The following ABCA13 variants were observed in gnomAD, a reference collection of about 807,000 sequenced individuals.
ABCA13 encodes ATP binding cassette subfamily A member 13, also known as ATP-binding cassette sub-family A member 13.
ABCA13 carries 476 observed loss-of-function variants against 478.7 expected under a neutral mutation model. The observed-to-expected ratio is 0.99, with a 90% confidence interval of 0.92 to 1.07. The LOEUF (loss-of-function observed/expected upper bound fraction) is 1.07, where lower values mean the gene tolerates loss of function less well. ABCA13 is among the 50% of genes least tolerant of loss of function. ABCA13 has a pLI of 0.00. For synonymous variants in ABCA13, 2,252 were observed against 2,158.9 expected (o/e 1.04, Z -1.20); for missense variants, 6,060 against 5,910.6 (o/e 1.03, Z -0.83).
chr7:48,253,305 T>C (rs1222539078), intron 15 of ABCA13, among the ~76,000 whole-genome samples: 1 of 152,132 alleles, frequency 6.6e-6, no homozygotes, highest in Non-Finnish European at 1.5e-5. Context: ...CAGAAACCAG[T>C]CACTTCGGCA....
In ABCA13 at chr7:48,520,128, T is replaced by C; in HGVS notation, c.13885T>C (p.Tyr4629His). ...TGGTCAAGGACTGGTAGAACTCTGCTATAATCAGATCAAATATGACCTGAC... is the reference window on the plus strand; with the variant it reads ...TGGTCAAGGACTGGTAGAACTCTGCCATAATCAGATCAAATATGACCTGAC... ...CLGQGLVELCYNQIKYDLTHN... is the reference protein window; with the variant it reads ...CLGQGLVELCHNQIKYDLTHN... Residue 4629 changes from tyrosine (Y) to histidine (H), a missense_variant, in exon 53 of 62, where the codon TAT (tyrosine) becomes CAT (histidine). Tyr to His is a moderately conservative substitution (Grantham distance 83, BLOSUM62 2). This residue lies in a region of ABCA13 where 1,627 missense variants were observed against 1,571.0 expected (regional missense o/e 1.04). Coordinates refer to ENST00000435803, the MANE Select transcript of ABCA13 (RefSeq NM_152701.5). 6.2e-7 allele frequency: 1 copy of C among 1,613,796 alleles called. No homozygotes were observed. Among genetic ancestry groups the C allele is most frequent in the Non-Finnish European group, 8.5e-7 (1 of 1,179,806 alleles).
chr7:48,606,259 G>A (rs1791453057), intron 58 of ABCA13, among the ~76,000 whole-genome samples: 2 of 152,174 alleles, frequency 1.3e-5, no homozygotes, highest in African/African-American at 4.8e-5. Context: ...TCCCTTGATG[G>A]CGAGGAGTTG....
At chr7:48,181,022 G>A (rs1166521017) in intron 1 of ABCA13, among the ~76,000 whole-genome samples, 1 of 152,118 alleles carries the variant, frequency 6.6e-6, no homozygotes, top group African/African-American at 2.4e-5. Context: ...TAAGCCCAAA[G>A]GGAACTCAAA....
chr7:48,287,966 C>T lies in ABCA13; in HGVS notation c.8843C>T (p.Pro2948Leu), dbSNP rs1797994852. The change falls in exon 20 of 62, where the codon CCT becomes CTT. Residue 2948 changes from proline to leucine, a missense_variant. By Grantham distance (98) the Pro-to-Leu change is moderately conservative. Transcript: ENST00000435803. ...VRVLTIVAEN[P>L]SWTKDILCAT... ...TGTGTGTTTCCTCTGGCAGAAAACCCTTCCTGGACCAAGGACATTTTGTGT... is the reference window on the plus strand; with the variant it reads ...TGTGTGTTTCCTCTGGCAGAAAACCTTTCCTGGACCAAGGACATTTTGTGT... 4.3e-6 allele frequency: 7 copies of T among 1,613,492 alleles called. No individual in the cohort carries two copies. The highest frequency in any genetic ancestry group is 3.3e-5 in the South Asian group (3 of 91,022).
At chr7:48,220,125 T>G (rs1024446910) in intron 4 of ABCA13, among the ~76,000 whole-genome samples, 2 of 152,292 alleles carry the variant, frequency 1.3e-5, no homozygotes, top group Admixed American at 1.3e-4. Context: ...TGGCTTCATC[T>G]TATTTATAAT....
rs1291336531 is a variant in ABCA13, at chr7:48,274,875, A to G, written c.5209A>G (p.Lys1737Glu). The G allele has an allele frequency of 1.9e-6, 3 of 1,613,926 alleles. No homozygotes were observed. Among genetic ancestry groups the G allele is most frequent in the Non-Finnish European group, 2.5e-6 (3 of 1,179,856 alleles). Reference sequence around the variant, plus strand: ...GCTGCAGCTCTCACGCCTGTTTCCTAAAGATGTTGTGGATGCTGTGATAGA... The same window carrying G: ...GCTGCAGCTCTCACGCCTGTTTCCTGAAGATGTTGTGGATGCTGTGATAGA... ...HLLQLSRLFP[K>E]DVVDAVIDVY... Residue 1737 changes from lysine (K) to glutamate (E), a missense_variant, in exon 17 of 62, where the codon AAA becomes GAA. This residue lies in a region of ABCA13 where 4,423 missense variants were observed against 4,309.1 expected (regional missense o/e 1.03). Transcript: ENST00000435803.
At chr7:48,177,429 G>A (rs1192270898) in intron 1 of ABCA13, among the ~76,000 whole-genome samples, 1 of 152,166 alleles carries the variant, frequency 6.6e-6, no homozygotes, top group Non-Finnish European at 1.5e-5. Flanking sequence ...GTGCTGCTGA[G>A]CAGCCACCTG....
chr7:48,396,765 G>A (rs150372076), intron 38 of ABCA13, among the ~76,000 whole-genome samples: 50 of 152,206 alleles, frequency 3.3e-4, no homozygotes, highest in Middle Eastern at 3.4e-3. Flanking sequence ...ATGCACTCTC[G>A]GAACTTGGCA....
intron 44 of ABCA13, among the ~76,000 whole-genome samples, chr7:48,467,764 A>T (rs1345637322): frequency 6.6e-6 from 1 of 152,232 alleles, no homozygotes; most frequent in Non-Finnish European, 1.5e-5. Flanking sequence ...CCAGAAGTGT[A>T]TGTTTTTAAG....
At chr7:48,444,209 A>G (rs35375355) in intron 42 of ABCA13, among the ~76,000 whole-genome samples, 45,234 of 152,080 alleles carry the variant, frequency 0.3, 6,818 homozygotes, top group East Asian at 0.37. Context: ...ACAAAGCAGC[A>G]TAAGAGAAAC....
chr7:48,403,610 A>T, intron 38 of ABCA13, 73 bp from the exon 39 acceptor site: 1 of 1,453,796 alleles, frequency 6.9e-7, no homozygotes, highest in Non-Finnish European at 9.5e-7. Context: ...GTTAGTCATT[A>T]TTTCTGGAGT....
chr7:48,287,951 C>T lies in ABCA13; in HGVS notation c.8837-9C>T. On this transcript the variant is annotated splice_polypyrimidine_tract_variant and intron_variant, in intron 19 of 61. Transcript: ENST00000435803. ...TATTAATTATTTCTCTGTGTGTTTC[C>T]TCTGGCAGAAAACCCTTCCTGGACC... 6.2e-7 allele frequency: 1 copy of T among 1,609,630 alleles called. No individual in the cohort carries two copies. The highest frequency in any genetic ancestry group is 8.5e-7 in the Non-Finnish European group (1 of 1,176,118).
rs150691807 is a variant in ABCA13, at chr7:48,434,725, A to G, written c.12565+6854A>G. Among the ~76,000 whole-genome samples the G allele has an allele frequency of 2.0e-5, 3 of 152,026 alleles. No homozygotes were observed. The East Asian group carries it at 5.8e-4, about 29-fold the overall frequency. On this transcript the variant is annotated intron_variant, in intron 42 of 61. Transcript: ENST00000435803. ...GGTGTCCATTTTTATTCTCTTGCATATGGATATCCAGTATTCCCCACATCA... is the reference window on the plus strand; with the variant it reads ...GGTGTCCATTTTTATTCTCTTGCATGTGGATATCCAGTATTCCCCACATCA...
At chr7:48,517,295 C>T (rs1832200270) in intron 52 of ABCA13, among the ~76,000 whole-genome samples, 1 of 152,134 alleles carries the variant, frequency 6.6e-6, no homozygotes, top group South Asian at 2.1e-4. Context: ...GGCCACACAA[C>T]ACAGCTGACC....
intron 41 of ABCA13, among the ~76,000 whole-genome samples, chr7:48,425,369 A>G (rs13307295): frequency 0.27 from 41,836 of 152,136 alleles, 5,909 homozygotes; most frequent in East Asian, 0.37. Flanking sequence ...ATAGTTAAAT[A>G]TGACCATTAA....
At chr7:48,635,070 C>T (rs990591772) in intron 59 of ABCA13, among the ~76,000 whole-genome samples, 1 of 151,936 alleles carries the variant, frequency 6.6e-6, no homozygotes, top group Non-Finnish European at 1.5e-5. Context: ...GGGCTCCTTC[C>T]AGTGGTCTCC....
intron 32 of ABCA13, among the ~76,000 whole-genome samples, chr7:48,368,368 G>A (rs1172085760): frequency 6.6e-6 from 1 of 151,820 alleles, no homozygotes; most frequent in Non-Finnish European, 1.5e-5. Flanking sequence ...ACATGAATAA[G>A]TTCTTCGGTA....
chr7:48,486,517 C>G (rs1405475793), intron 47 of ABCA13, among the ~76,000 whole-genome samples: 3 of 147,712 alleles, frequency 2.0e-5, no homozygotes, highest in Non-Finnish European at 4.4e-5. Context: ...TCATGTATTT[C>G]CAGGCTTCTC....
chr7:48,448,270 A>G (rs1055283577), intron 42 of ABCA13, among the ~76,000 whole-genome samples: 3 of 152,220 alleles, frequency 2.0e-5, no homozygotes, highest in African/African-American at 7.2e-5. Flanking sequence ...CTCAAGTGTG[A>G]AGCTGTTTAG....
Sources: gnomAD v4.1 joint callset for allele counts (sites outside exome capture counted in the v4.1 genomes callset) on GRCh38, gnomAD v4.1.1 for gene constraint, gnomAD v4.1.1 regional missense constraint, MANE v1.5 for transcripts, NCBI Gene and HGNC (gene_info 2026-07-23, HGNC 2026-07-21) for gene names.